NOMO3: variants seen among roughly 807,000 people sequenced by gnomAD.
NOMO3 encodes the protein BOS complex subunit NOMO3.
NOMO3 carries 15 observed loss-of-function variants against 69.9 expected under a neutral mutation model. The observed-to-expected ratio is 0.21, with a 90% CI of 0.14 to 0.33. The LOEUF is 0.33. Ranked by LOEUF, NOMO3 falls within the 10% of genes least tolerant of loss-of-function variation. NOMO3 has a pLI of 1.00. For missense variants in NOMO3, 218 were observed against 761.0 expected (o/e 0.29, Z 8.39); for synonymous variants, 89 against 301.9 (o/e 0.29, Z 7.31).
At chr16:16,261,447 C>CCTTT in intron 11 of NOMO3, 55 bp from the exon 12 acceptor site, 1 of 1,556,944 alleles carries the variant, frequency 6.4e-7, no homozygotes, top group Non-Finnish European at 8.7e-7. Flanking sequence ...TCGATAAGAG[C>CCTTT]CTTTCCTGTT....
intron 10 of NOMO3, 25 bp downstream of exon 10, chr16:16,255,850 C>T (rs2049507097): frequency 1.3e-6 from 2 of 1,513,912 alleles, no homozygotes; most frequent in South Asian, 2.3e-5. Flanking sequence ...CAGCCCCAGG[C>T]TGATGGCCAG....
intron 1 of NOMO3, among the ~76,000 whole-genome samples, chr16:16,234,704 G>A (rs2049312018): frequency 1.3e-5 from 2 of 149,244 alleles, no homozygotes; most frequent in South Asian, 4.2e-4. Context: ...ACTGAGCCCC[G>A]GCACATACTG....
intron 13 of NOMO3, 141 bp downstream of exon 13, chr16:16,263,356 G>T: frequency 1.9e-6 from 3 of 1,574,722 alleles, no homozygotes; most frequent in Non-Finnish European, 2.6e-6. Context: ...GAGTCAGGTG[G>T]GTACATGTTA....
At position 16,232,635 on chromosome 16, in the gene NOMO3, C is replaced by A. The variant is rs917131818; in HGVS notation, c.-32C>A. On this transcript the variant is annotated 5_prime_UTR_variant, in exon 1 of 31. Coordinates refer to ENST00000399336, the MANE Select transcript of NOMO3 (RefSeq NM_001004067.4). ...AGTGTGAGGGGCGGGACCCGGCTGC[C>A]GGCGGTGGGTCTAGCTGGGGGAGGT... The A allele has an allele frequency of 1.1e-5, 5 of 475,688 alleles. No individual in the cohort carries two copies. The highest frequency in any genetic ancestry group is 1.7e-5 in the Non-Finnish European group (5 of 302,912). The allele number at this position is 475,688 out of a possible 1,614,324, so 29.5% of individuals were successfully genotyped here.
chr16:16,249,172 C>G (rs1206667154), intron 6 of NOMO3, among the ~76,000 whole-genome samples: 2 of 145,220 alleles, frequency 1.4e-5, no homozygotes, highest in Non-Finnish European at 3.0e-5. Flanking sequence ...ATTATTTTTA[C>G]TCTGTAGGTT....
chr16:16,260,603 C>T (rs1159579363), intron 11 of NOMO3, among the ~76,000 whole-genome samples: 1 of 142,216 alleles, frequency 7.0e-6, no homozygotes, highest in Non-Finnish European at 1.5e-5. Flanking sequence ...TTTAATGTAC[C>T]CCTAATTGTC....
chr16:16,242,962 G>T (rs1292345255), intron 3 of NOMO3, among the ~76,000 whole-genome samples, 199 bp from the exon 4 acceptor site: 1 of 143,538 alleles, frequency 7.0e-6, no homozygotes, highest in Admixed American at 6.8e-5. Flanking sequence ...AGGCTAGGGG[G>T]ATAGGGGTGA....
intron 15 of NOMO3, chr16:16,266,574 G>T (rs574794614): frequency 0.04 from 13,735 of 342,556 alleles, 3,016 homozygotes; most frequent in African/African-American, 0.093. Flanking sequence ...AACACGTGTT[G>T]TTGGTTTTTC....
chr16:16,249,990 T>A (rs1437804689), intron 6 of NOMO3, among the ~76,000 whole-genome samples: 1 of 138,406 alleles, frequency 7.2e-6, no homozygotes, highest in Non-Finnish European at 1.5e-5. Flanking sequence ...CATAGAACAA[T>A]TTGTCAATTG....
chr16:16,258,453 A>G lies in NOMO3; in HGVS notation c.1220+2295A>G, dbSNP rs2049534647. ...CAGAGGCCTGCATAGGATAGGAAGGACCTGAAAGGCAGTCTGCGCAGCTGG... is the reference window on the plus strand; with the variant it reads ...CAGAGGCCTGCATAGGATAGGAAGGGCCTGAAAGGCAGTCTGCGCAGCTGG... On this transcript the variant is annotated intron_variant, in intron 11 of 30. Transcript: ENST00000399336. 1.5e-5 allele frequency among the ~76,000 whole-genome samples: 2 copies of G among 137,570 alleles called. 1 individual carries two copies. Among genetic ancestry groups the G allele is most frequent in the African/African-American group, 6.3e-5 (2 of 31,584 alleles). The allele number at this position is 137,570 out of a possible 152,430, so 90.3% of individuals were successfully genotyped here.
chr16:16,254,536 T>A (rs1237316860), intron 9 of NOMO3, among the ~76,000 whole-genome samples: 2 of 141,988 alleles, frequency 1.4e-5, no homozygotes, highest in Non-Finnish European at 3.0e-5. Context: ...AGTCATTTAA[T>A]TATTTAAAGC....
At chr16:16,258,911 C>CATG (rs1454788357) in intron 11 of NOMO3, among the ~76,000 whole-genome samples, 1 of 141,316 alleles carries the variant, frequency 7.1e-6, no homozygotes, top group Non-Finnish European at 1.5e-5. Flanking sequence ...TGATAGGGAT[C>CATG]ATGGTACTTT....
intron 1 of NOMO3, 88 bp from the exon 2 acceptor site, chr16:16,236,813 A>G (rs1359808954): frequency 4.6e-6 from 5 of 1,096,690 alleles, no homozygotes; most frequent in Admixed American, 2.2e-5. Context: ...CAGTGAATGT[A>G]TACTGACTGA....
chr16:16,244,511 CTTT>C (rs1203597061), intron 4 of NOMO3, among the ~76,000 whole-genome samples: 18 of 52,442 alleles, frequency 3.4e-4, no homozygotes, highest in African/African-American at 1.4e-3. Flanking sequence ...TGTACATTTA[CTTT>C]TTTTTTTTTT....
chr16:16,236,079 T>C lies in NOMO3; in HGVS notation c.166-822T>C, dbSNP rs529031851. 2.2e-4 allele frequency: 37 copies of C among 167,484 alleles called. 4 individuals are homozygous for C. In the South Asian group the frequency reaches 4.4e-3, roughly 20 times the overall value. 10.4% of individuals were successfully genotyped at this position (167,484 alleles called of 1,614,324 possible). A position where few individuals can be genotyped will look rare whatever the true frequency, so the allele number is the denominator to read the frequency against. On this transcript the variant is annotated intron_variant, in intron 1 of 30. Coordinates refer to ENST00000399336, the MANE Select transcript of NOMO3 (RefSeq NM_001004067.4). The stretch of plus-strand genomic sequence containing the variant: ...AGATATTAAATGTCTTTTTAGTCTC[T>C]TTTTCTTCGGAGAATGAAAGTAATG...
chr16:16,241,319 T>C (rs2141247841), intron 3 of NOMO3, among the ~76,000 whole-genome samples: 1 of 143,626 alleles, frequency 7.0e-6, no homozygotes, highest in South Asian at 2.2e-4. Flanking sequence ...GAACTTTATC[T>C]GTATCATTTG....
intron 4 of NOMO3, among the ~76,000 whole-genome samples, chr16:16,244,342 TCTCG>T (rs1233946424): frequency 1.6e-5 from 2 of 128,970 alleles, no homozygotes; most frequent in Non-Finnish European, 3.1e-5. Context: ...TGAGACAGAG[TCTCG>T]CTCTGTGGCC....
intron 6 of NOMO3, among the ~76,000 whole-genome samples, chr16:16,249,229 T>TAG (rs2049442444): frequency 6.9e-6 from 1 of 145,788 alleles, no homozygotes; most frequent in Non-Finnish European, 1.5e-5. Context: ...ATGTCTCTTC[T>TAG]TACTGTTTGT....
rs572979084 is a variant in NOMO3, at chr16:16,254,873, G to A, written c.964-847G>A. On this transcript the variant is annotated intron_variant, in intron 9 of 30. Transcript: ENST00000399336. ...ACACAGACACAGACACATGGAGCACGGGACCACGTGTGAGCCAGTGATGGT... is the reference window on the plus strand; with the variant it reads ...ACACAGACACAGACACATGGAGCACAGGACCACGTGTGAGCCAGTGATGGT... Among the ~76,000 whole-genome samples, 24 of 144,422 alleles carry A rather than the reference G, an allele frequency of 1.7e-4. 1 individual carries two copies. Among genetic ancestry groups the A allele is most frequent in the Non-Finnish European group, 3.5e-4 (24 of 67,810 alleles). 94.7% of individuals were successfully genotyped at this position (144,422 alleles called of 152,430 possible). A position where few individuals can be genotyped will look rare whatever the true frequency, so the allele number is the denominator to read the frequency against.
Sources: gnomAD v4.1 joint callset for allele counts (sites outside exome capture counted in the v4.1 genomes callset) on GRCh38, gnomAD v4.1.1 for gene constraint, MANE v1.5 for transcripts, NCBI Gene and HGNC (gene_info 2026-07-23, HGNC 2026-07-21) for gene names.